The following TESMIN variants were observed in gnomAD, a reference collection of about 807,000 sequenced individuals.
TESMIN encodes CXC domain containing 2.
TESMIN carries 34 observed loss-of-function variants against 47.4 expected under a neutral mutation model. The observed-to-expected ratio is 0.72, with a 90% CI of 0.55 to 0.96. The LOEUF (loss-of-function observed/expected upper bound fraction) is 0.96, where lower values mean the gene tolerates loss of function less well. Ranked by LOEUF, TESMIN falls within the 40% of genes least tolerant of loss-of-function variation. TESMIN has a pLI of 0.00. For missense variants in TESMIN, 610 were observed against 637.2 expected (o/e 0.96, Z 0.46); for synonymous variants, 278 against 258.9 (o/e 1.07, Z -0.71).
chr11:68,729,522 TC>T (rs1241094574), intron 6 of TESMIN, among the ~76,000 whole-genome samples: 55 of 138,790 alleles, frequency 4.0e-4, no homozygotes, highest in African/African-American at 1.3e-3. Context: ...AGACTCTGTC[TC>T]AAAAAAAAAA....
chr11:68,705,531 C>A (rs979774743), downstream of TESMIN, among the ~76,000 whole-genome samples: 5 of 152,222 alleles, frequency 3.3e-5, no homozygotes, highest in African/African-American at 1.2e-4. Context: ...ACTTTCTGTG[C>A]AGTGCGCAGC....
intron 4 of TESMIN, among the ~76,000 whole-genome samples, chr11:68,744,277 T>C (rs4930605): frequency 0.62 from 93,831 of 152,086 alleles, 30,009 homozygotes; most frequent in East Asian, 0.78. Context: ...TATTCTCTCG[T>C]TAACTCAAGA....
At chr11:68,737,263 C>A in intron 6 of TESMIN, 5 of 985,516 alleles carry the variant, frequency 5.1e-6, no homozygotes, top group Non-Finnish European at 6.0e-6. Context: ...AGCAGCATGG[C>A]CCACAGTCTT....
In TESMIN at chr11:68,713,331, T is replaced by A; in HGVS notation, c.1097A>T (p.His366Leu). ...KGQLGNVKPQ[H>L]NKGCNCRRSG... ...CCTCCTGCAGTTGCACCCTTTGTTG[T>A]GCTGGGGCTTGACATTGCCCAATTG... Residue 366 changes from histidine (H) to leucine (L), a missense_variant, in exon 8 of 10, where the codon CAC becomes CTC. Coordinates refer to ENST00000255087, the MANE Select transcript of TESMIN (RefSeq NM_004923.3). The A allele has an allele frequency of 6.2e-7, 1 of 1,614,236 alleles. No individual in the cohort carries two copies. Among genetic ancestry groups the A allele is most frequent in the Non-Finnish European group, 8.5e-7 (1 of 1,180,040 alleles).
intron 8 of TESMIN, 75 bp from the exon 9 acceptor site, chr11:68,711,124 C>A: frequency 7.9e-7 from 1 of 1,271,604 alleles, no homozygotes. Context: ...CTATTTGGAC[C>A]TTAAATAATT....
intron 5 of TESMIN, among the ~76,000 whole-genome samples, chr11:68,740,816 C>T (rs996471947): frequency 6.6e-6 from 1 of 152,172 alleles, no homozygotes; most frequent in Non-Finnish European, 1.5e-5. Flanking sequence ...CAATCTCATC[C>T]CTCCTGCCCA....
At chr11:68,749,678 C>A (rs1483397090) in intron 2 of TESMIN, among the ~76,000 whole-genome samples, 1 of 152,130 alleles carries the variant, frequency 6.6e-6, no homozygotes, top group African/African-American at 2.4e-5. Flanking sequence ...GAAGATCTCA[C>A]ATCTTGACTT....
intron 3 of TESMIN, among the ~76,000 whole-genome samples, chr11:68,746,170 T>TACACACAC (rs56975910): frequency 5.3e-5 from 8 of 149,606 alleles, no homozygotes; most frequent in South Asian, 4.3e-4. Flanking sequence ...AAGTTATAGC[T>TACACACAC]ACACACACAC....
chr11:68,737,772 G>C, intron 6 of TESMIN: 4 of 782,424 alleles, frequency 5.1e-6, no homozygotes, highest in Non-Finnish European at 6.2e-6. Flanking sequence ...AATTAGCCTG[G>C]TATAGTGGTA....
intron 6 of TESMIN, chr11:68,738,459 CAGG>C (rs1946413908): frequency 7.7e-7 from 1 of 1,303,068 alleles, no homozygotes; most frequent in South Asian, 1.7e-5. Context: ...GGACAGCGGA[CAGG>C]AGGACAGGGA....
rs1162222213 is a variant in TESMIN, at chr11:68,747,269, G to A, written c.569C>T (p.Pro190Leu). ...LLAQESCCKF[P>L]SSQELEDASC... ...GGCATCCTCTAGTTCCTGGGACGAT[G>A]GGAACTTGCAACAGGATTCCTGAGC... Residue 190 changes from proline to leucine, a missense_variant, in exon 3 of 10, where the codon CCA (proline) becomes CTA (leucine). Physicochemically the swap from Pro to Leu is moderately conservative, Grantham distance 98. Coordinates refer to ENST00000255087, the MANE Select transcript of TESMIN (RefSeq NM_004923.3). The A allele has an allele frequency of 3.7e-6, 6 of 1,614,026 alleles. No homozygotes were observed. Among genetic ancestry groups the A allele is most frequent in the Non-Finnish European group, 4.2e-6 (5 of 1,179,892 alleles).
Position 68,736,459 on chromosome 11 carries a change from A to G in TESMIN, c.917+2241T>C, listed in dbSNP as rs775412173. The stretch of plus-strand genomic sequence containing the variant: ...ACTGGGCTGACAGTCTTGGTTGGGA[A>G]CTCACACGGAATGAAATAACCAGCA... On this transcript the variant is annotated intron_variant, in intron 6 of 9. Coordinates refer to ENST00000255087, the MANE Select transcript of TESMIN (RefSeq NM_004923.3). 737 of 985,414 alleles carry G rather than the reference A, an allele frequency of 7.5e-4. 1 individual carries two copies. Among genetic ancestry groups the G allele is most frequent in the South Asian group, 2.4e-3 (51 of 21,286 alleles). 61.0% of individuals were successfully genotyped at this position (985,414 alleles called of 1,614,324 possible).
Position 68,708,511 on chromosome 11 carries a change from C to A in TESMIN, c.1335-11G>T. On this transcript the variant is annotated splice_polypyrimidine_tract_variant and intron_variant, in intron 9 of 9. Transcript: ENST00000255087. ...CATGAGGAAGGCCGCCTGTCAGAAACAGAGCAGTTAAAGGCCGCTCAACAG... is the reference window on the plus strand; with the variant it reads ...CATGAGGAAGGCCGCCTGTCAGAAAAAGAGCAGTTAAAGGCCGCTCAACAG... 1 of 1,599,796 alleles carries A rather than the reference C, an allele frequency of 6.3e-7. No individual in the cohort carries two copies. Among genetic ancestry groups the A allele is most frequent in the Non-Finnish European group, 8.5e-7 (1 of 1,173,950 alleles).
At chr11:68,710,755 A>C in intron 9 of TESMIN, 119 bp downstream of exon 9, 1 of 1,039,718 alleles carries the variant, frequency 9.6e-7, no homozygotes. Flanking sequence ...CTCTGCCCCC[A>C]AACACACGCC....
intron 1 of TESMIN, among the ~76,000 whole-genome samples, 199 bp downstream of exon 1, chr11:68,751,221 A>C: frequency 7.6e-5 from 1 of 13,156 alleles, no homozygotes; most frequent in Non-Finnish European, 1.5e-4. Context: ...GGGGCGGCCG[A>C]GGAGGGGGTC....
At chr11:68,711,767 T>C (rs1410399551) in intron 8 of TESMIN, among the ~76,000 whole-genome samples, 1 of 152,208 alleles carries the variant, frequency 6.6e-6, no homozygotes, top group Non-Finnish European at 1.5e-5. Context: ...GGCTGGGAGC[T>C]GTCAGGGGAG....
Position 68,708,160 on chromosome 11 carries a change from A to C in TESMIN, c.*148T>G. The C allele has an allele frequency of 4.2e-6, 3 of 718,228 alleles. No homozygotes were observed. Among genetic ancestry groups the C allele is most frequent in the Non-Finnish European group, 4.6e-6 (2 of 437,006 alleles). 44.5% of individuals were successfully genotyped at this position (718,228 alleles called of 1,614,324 possible). The stretch of plus-strand genomic sequence containing the variant: ...AGGGGGCATGGGTTGCCACATCTTC[A>C]GAGAGCTCTGAGTAAACTCCCTGGG... On this transcript the variant is annotated 3_prime_UTR_variant, in exon 10 of 10. Coordinates refer to ENST00000255087, the MANE Select transcript of TESMIN (RefSeq NM_004923.3).
chr11:68,744,781 T>G, intron 4 of TESMIN: 1 of 356,644 alleles, frequency 2.8e-6, no homozygotes, highest in Non-Finnish European at 4.9e-6. Context: ...GGGACAGCTA[T>G]CCAAGAATTT....
intron 7 of TESMIN, among the ~76,000 whole-genome samples, chr11:68,714,770 T>C (rs1946116057): frequency 6.6e-6 from 1 of 152,226 alleles, no homozygotes; most frequent in African/African-American, 2.4e-5. Context: ...CTATTGGCTA[T>C]ATTTGTAGGA....
Sources: allele counts gnomAD v4.1 joint callset (sites outside exome capture counted in the v4.1 genomes callset), GRCh38; gene constraint gnomAD v4.1.1; transcripts MANE v1.5; gene names NCBI Gene and HGNC (gene_info 2026-07-23, HGNC 2026-07-21).